The following DISC1 variants were observed in gnomAD, a reference collection of about 807,000 sequenced individuals.
DISC1 encodes the protein DISC1 scaffold protein.
Under a neutral mutation model 84.5 loss-of-function variants are expected in DISC1, and 57 were observed. The ratio of observed to expected loss-of-function variants is 0.67; its 90% CI spans 0.55 to 0.84. The LOEUF (loss-of-function observed/expected upper bound fraction) is 0.84. DISC1 is among the 40% of genes least tolerant of loss of function. The pLI is 0.00. For missense variants in DISC1, 1,000 were observed against 1,057.8 expected, an observed-to-expected ratio of 0.95 and a Z score of 0.76; for synonymous variants, 411 against 415.2, an observed-to-expected ratio of 0.99 and a Z score of 0.12.
chr1:231,685,464 T>G (rs1285026934), intron 1 of DISC1, among the ~76,000 whole-genome samples: 1 of 152,106 alleles, frequency 6.6e-6, no homozygotes, highest in Non-Finnish European at 1.5e-5. Context: ...TATTGTATTT[T>G]TTTTTTGAGA....
At chr1:231,942,114 GC>G (rs1374090826) in intron 9 of DISC1, among the ~76,000 whole-genome samples, 2 of 152,158 alleles carry the variant, frequency 1.3e-5, no homozygotes, top group Non-Finnish European at 2.9e-5. Context: ...GGCTGACCAT[GC>G]CCCACCTGAA....
At position 231,820,159 on chromosome 1, in the gene DISC1, C is replaced by T. The variant is rs543191616; in HGVS notation, c.1981+1642C>T. On this transcript the variant is annotated intron_variant, in intron 9 of 12. Coordinates refer to ENST00000439617, the MANE Select transcript of DISC1 (RefSeq NM_018662.3). ...CCCTTTCCCTATACATTGATTTACA[C>T]GTGCTTAATTTTTTTTAACCAATTT... Among the ~76,000 whole-genome samples, 14 of 152,244 alleles carry T rather than the reference C, an allele frequency of 9.2e-5. No homozygotes were observed. In the South Asian group the frequency reaches 2.5e-3, roughly 27 times the overall value.
intron 9 of DISC1, among the ~76,000 whole-genome samples, chr1:231,894,933 C>CCACACA (rs375216874): frequency 6.7e-6 from 1 of 148,890 alleles, no homozygotes; most frequent in East Asian, 2.0e-4. Flanking sequence ...ACACACACAC[C>CCACACA]CACACACACA....
intron 10 of DISC1, among the ~76,000 whole-genome samples, chr1:231,992,624 A>G (rs942453752): frequency 6.6e-6 from 1 of 152,152 alleles, no homozygotes; most frequent in Admixed American, 6.5e-5. Context: ...TCATTTAGCT[A>G]TTGGGCAGCT....
In DISC1 at chr1:231,916,650, G is replaced by A. The variant is rs370288975; in HGVS notation, c.1982-42178G>A. On this transcript the variant is annotated intron_variant, in intron 9 of 12. Coordinates refer to ENST00000439617, the MANE Select transcript of DISC1 (RefSeq NM_018662.3). ...AGCCTGGGCGACAGAGCGAGACTCCGTCTCAAAAAAAAAAAAAAAAAAAGA... is the reference window on the plus strand; with the variant it reads ...AGCCTGGGCGACAGAGCGAGACTCCATCTCAAAAAAAAAAAAAAAAAAAGA... Among the ~76,000 whole-genome samples the A allele has an allele frequency of 6.4e-3, 621 of 96,866 alleles. 9 individuals carry two copies. The highest frequency in any genetic ancestry group is 0.027 in the African/African-American group (596 of 22,348). 63.5% of individuals were successfully genotyped at this position (96,866 alleles called of 152,430 possible).
chr1:231,831,849 TG>T (rs59813729), intron 9 of DISC1, among the ~76,000 whole-genome samples: 13 of 142,206 alleles, frequency 9.1e-5, no homozygotes, highest in Non-Finnish European at 7.8e-5. Context: ...TGAGAGGTAG[TG>T]GGGGGGGGTG....
At chr1:231,854,422 A>T (rs2084113980) in intron 9 of DISC1, among the ~76,000 whole-genome samples, 1 of 152,254 alleles carries the variant, frequency 6.6e-6, no homozygotes, top group Non-Finnish European at 1.5e-5. Context: ...AACTCCTGGC[A>T]AATATACCTA....
chr1:231,678,433 G>A (rs1395402470), intron 1 of DISC1, among the ~76,000 whole-genome samples: 1 of 152,196 alleles, frequency 6.6e-6, no homozygotes. Context: ...TCTATAGACT[G>A]AGAGAAGGCA....
At chr1:231,866,120 C>T (rs199928723) in intron 9 of DISC1, among the ~76,000 whole-genome samples, 6 of 152,118 alleles carry the variant, frequency 3.9e-5, no homozygotes, top group Non-Finnish European at 8.8e-5. Context: ...CAGTGCCTTT[C>T]CCATAGTGGC....
rs540597143 is a variant in DISC1 at position 232,007,137 on chromosome 1, G to T, written c.2043-1648G>T. On this transcript the variant is annotated intron_variant, in intron 10 of 12. Transcript: ENST00000439617. ...GGCAGAAGTTTGCTGCAGGGGTGGA[G>T]CACTCATGGAGAACCTCTGCTAGAG... Among the ~76,000 whole-genome samples the T allele has an allele frequency of 5.3e-5, 8 of 152,350 alleles. No homozygotes were observed. In the South Asian group the frequency reaches 1.7e-3, roughly 32 times the overall value.
intron 11 of DISC1, among the ~76,000 whole-genome samples, chr1:232,017,755 C>G (rs1421398767): frequency 6.6e-6 from 1 of 152,076 alleles, no homozygotes; most frequent in Non-Finnish European, 1.5e-5. Flanking sequence ...CTGCACAGCC[C>G]CCAGCACAAT....
intron 9 of DISC1, 128 bp from the exon 10 acceptor site, chr1:231,958,700 C>A: frequency 2.1e-6 from 2 of 974,810 alleles, no homozygotes; most frequent in Non-Finnish European, 3.1e-6. Context: ...GAGTGTTTTC[C>A]AAACATAGAA....
intron 10 of DISC1, among the ~76,000 whole-genome samples, chr1:231,993,722 G>A (rs919111188): frequency 6.6e-6 from 1 of 152,136 alleles, no homozygotes; most frequent in African/African-American, 2.4e-5. Flanking sequence ...AAAACAAACA[G>A]GCCAGGATGA....
intron 9 of DISC1, among the ~76,000 whole-genome samples, chr1:231,948,871 T>A (rs1397486139): frequency 1.4e-5 from 2 of 144,570 alleles, no homozygotes; most frequent in African/African-American, 5.1e-5. Context: ...ATTTTTTTTT[T>A]TTTTTTTTTT....
chr1:232,018,656 C>T (rs1051967752), intron 11 of DISC1, among the ~76,000 whole-genome samples: 14 of 152,264 alleles, frequency 9.2e-5, no homozygotes, highest in African/African-American at 2.4e-4. Context: ...TTCAGGCCTA[C>T]GGGTTTTGAT....
intron 1 of DISC1, among the ~76,000 whole-genome samples, chr1:231,645,609 T>G (rs1172012793): frequency 6.6e-6 from 1 of 152,134 alleles, no homozygotes; most frequent in Non-Finnish European, 1.5e-5. Context: ...TATGTTGGTT[T>G]GCTGCACCCA....
chr1:231,844,529 A>G (rs1327542923), intron 9 of DISC1, among the ~76,000 whole-genome samples: 5 of 152,158 alleles, frequency 3.3e-5, no homozygotes, highest in Non-Finnish European at 5.9e-5. Context: ...TGAGACATCA[A>G]TCAAATACAT....
chr1:231,632,518 A>G (rs1372986164), intron 1 of DISC1, among the ~76,000 whole-genome samples: 1 of 152,194 alleles, frequency 6.6e-6, no homozygotes, highest in African/African-American at 2.4e-5. Context: ...TCTGAAGATA[A>G]ATCATATATT....
intron 9 of DISC1, among the ~76,000 whole-genome samples, chr1:231,843,358 C>G (rs945099821): frequency 1.3e-5 from 2 of 151,954 alleles, no homozygotes; most frequent in African/African-American, 4.8e-5. Flanking sequence ...GCCAGGTGGG[C>G]TTGTGTACCA....
Sources: allele counts gnomAD v4.1 joint callset (sites outside exome capture counted in the v4.1 genomes callset), GRCh38; gene constraint gnomAD v4.1.1; transcripts MANE v1.5; gene names NCBI Gene and HGNC (gene_info 2026-07-23, HGNC 2026-07-21).